Variants in AARD observed in about 807,000 individuals in gnomAD.
AARD encodes the protein alanine and arginine rich domain containing protein.
A neutral mutation model predicts 9.3 loss-of-function variants in AARD; 9 were observed. The ratio of observed to expected loss-of-function variants is 0.97; its 90% confidence interval spans 0.58 to 1.69. The LOEUF (loss-of-function observed/expected upper bound fraction) is 1.69, where lower values mean the gene tolerates loss of function less well. AARD is among the 40% of genes most tolerant of loss of function. AARD has a pLI of 0.00. For missense variants in AARD, 236 were observed against 210.3 expected, an observed-to-expected ratio of 1.12 and a Z score of -0.76; for synonymous variants, 91 against 93.8, an observed-to-expected ratio of 0.97 and a Z score of 0.17.
At chr8:116,940,178 C>A (rs965445354) in intron 1 of AARD, among the ~76,000 whole-genome samples, 14 of 152,114 alleles carry the variant, frequency 9.2e-5, no homozygotes, top group Non-Finnish European at 2.1e-4. Context: ...CACTTGTTGG[C>A]CTTACAACTT....
chr8:116,943,633 C>T lies in AARD; in HGVS notation c.*932C>T, dbSNP rs1813772428. ...GGGGCTTGGAAGCTGCTGGTGGTCA[C>T]CATGTGAGAAAGCCCACACCCTAAT... On this transcript the variant is annotated 3_prime_UTR_variant, in exon 2 of 2. Coordinates refer to ENST00000378279, the MANE Select transcript of AARD (RefSeq NM_001025357.3). 6.6e-6 allele frequency: 1 copy of T among 151,474 alleles called. No homozygotes were observed. Among genetic ancestry groups the T allele is most frequent in the African/African-American group, 2.4e-5 (1 of 41,212 alleles). The allele number at this position is 151,474 out of a possible 1,614,324, so 9.4% of individuals were successfully genotyped here. A position where few individuals can be genotyped will look rare whatever the true frequency, so the allele number is the denominator to read the frequency against.
intron 1 of AARD, 113 bp from the exon 2 acceptor site, chr8:116,942,445 A>G: frequency 1.0e-6 from 1 of 956,730 alleles, no homozygotes; most frequent in East Asian, 2.7e-5. Flanking sequence ...ATCTTCCTTG[A>G]TATCTTATTT....
rs528285928 is a variant in AARD at position 116,938,848 on chromosome 8, C to T, written c.324+281C>T. On this transcript the variant is annotated intron_variant, in intron 1 of 1. Transcript: ENST00000378279. ...CTATAGTTTTCTGCCCTGTAGGGAACTGTGACTATGTGTATGTATGGCTCG... is the reference window on the plus strand; with the variant it reads ...CTATAGTTTTCTGCCCTGTAGGGAATTGTGACTATGTGTATGTATGGCTCG... Among the ~76,000 whole-genome samples the T allele has an allele frequency of 1.4e-4, 21 of 152,338 alleles. 1 individual carries two copies. The South Asian group carries it at 2.7e-3, about 20-fold the overall frequency.
At position 116,942,578 on chromosome 8, in the gene AARD, C is replaced by A. The variant is rs1813756326; in HGVS notation, c.345C>A (p.Asn115Lys). The A allele has an allele frequency of 1.2e-6, 2 of 1,612,212 alleles. No individual in the cohort carries two copies. Among genetic ancestry groups the A allele is most frequent in the Non-Finnish European group, 1.7e-6 (2 of 1,178,934 alleles). ...TTTAGGTGGAAATGCATTTCCAAAACCACCAGCTGGCTAGAACTTTACTGG... is the reference window on the plus strand; with the variant it reads ...TTTAGGTGGAAATGCATTTCCAAAAACACCAGCTGGCTAGAACTTTACTGG... ...RAELVEMHFQ[N>K]HQLARTLLDL... The change falls in exon 2 of 2, where the codon AAC becomes AAA. Residue 115 changes from asparagine (N) to lysine (K), a missense_variant. Transcript: ENST00000378279.
intron 1 of AARD, 32 bp from the exon 2 acceptor site, chr8:116,942,526 T>C: frequency 6.4e-7 from 1 of 1,564,888 alleles, no homozygotes; most frequent in Non-Finnish European, 8.7e-7. Flanking sequence ...CATCTCAGGC[T>C]AATAAAATTT....
chr8:116,939,246 G>T (rs1813717165), intron 1 of AARD, among the ~76,000 whole-genome samples: 1 of 152,180 alleles, frequency 6.6e-6, no homozygotes. Flanking sequence ...CTTTTGCACT[G>T]ATTACTAATA....
rs1813771316 is a variant in AARD at position 116,943,574 on chromosome 8, G to T, written c.*873G>T. 3 of 152,220 alleles carry T rather than the reference G, an allele frequency of 2.0e-5. No homozygotes were observed. The allele number at this position is 152,220 out of a possible 1,614,324, so 9.4% of individuals were successfully genotyped here. A position where few individuals can be genotyped will look rare whatever the true frequency, so the allele number is the denominator to read the frequency against. ...TTTTTGAATGGGCACTAAAAGAGTAGATGACTATTTCTGCCAGTAGAAGCT... is the reference window on the plus strand; with the variant it reads ...TTTTTGAATGGGCACTAAAAGAGTATATGACTATTTCTGCCAGTAGAAGCT... On this transcript the variant is annotated 3_prime_UTR_variant, in exon 2 of 2. Transcript: ENST00000378279.
At chr8:116,940,405 G>A (rs1471493111) in intron 1 of AARD, among the ~76,000 whole-genome samples, 3 of 152,156 alleles carry the variant, frequency 2.0e-5, no homozygotes, top group Non-Finnish European at 2.9e-5. Context: ...AAAATCAGGA[G>A]TTTTTCTGGA....
rs1356474037 is a variant in AARD at position 116,943,070 on chromosome 8, C to T, written c.*369C>T. On this transcript the variant is annotated 3_prime_UTR_variant, in exon 2 of 2. Transcript: ENST00000378279. Reference sequence around the variant, plus strand: ...AAAACTAACGCATACAACCCTGAAACAATTCTGATGAACACATTATGCTTT... The same window carrying T: ...AAAACTAACGCATACAACCCTGAAATAATTCTGATGAACACATTATGCTTT... 2 of 151,172 alleles carry T rather than the reference C, an allele frequency of 1.3e-5. No homozygotes were observed. Among genetic ancestry groups the T allele is most frequent in the African/African-American group, 2.5e-5 (1 of 40,016 alleles). The allele number at this position is 151,172 out of a possible 1,614,324, so 9.4% of individuals were successfully genotyped here.
In AARD at chr8:116,942,621, C is replaced by G. The variant is rs376499703; in HGVS notation, c.388C>G (p.Gln130Glu). 2 of 1,613,808 alleles carry G rather than the reference C, an allele frequency of 1.2e-6. No individual in the cohort carries two copies. The highest frequency in any genetic ancestry group is 1.7e-6 in the Non-Finnish European group (2 of 1,179,930). Reference protein sequence around the residue: ...RTLLDLNMKVQQLKKEYELEI... With the variant: ...RTLLDLNMKVEQLKKEYELEI... The stretch of plus-strand genomic sequence containing the variant: ...TTTACTGGACCTAAACATGAAAGTG[C>G]AGCAATTGAAAAAGGAGTATGAACT... The change falls in exon 2 of 2, where the codon CAG (glutamine) becomes GAG (glutamate). Residue 130 changes from glutamine to glutamate, a missense_variant. By Grantham distance (29) the Gln-to-Glu change is conservative. Transcript: ENST00000378279.
chr8:116,938,401 G>C lies in AARD; in HGVS notation c.158G>C (p.Ser53Thr). The change falls in exon 1 of 2, where the codon AGC (serine) becomes ACC (threonine). Residue 53 changes from serine (S) to threonine (T), a missense_variant. Coordinates refer to ENST00000378279, the MANE Select transcript of AARD (RefSeq NM_001025357.3). ...TDIQEEALAA[S>T]PLLEDLRRRL... ...ATCCAGGAGGAGGCCCTCGCCGCCAGCCCGCTGCTGGAGGACCTCAGACGA... is the reference window on the plus strand; with the variant it reads ...ATCCAGGAGGAGGCCCTCGCCGCCACCCCGCTGCTGGAGGACCTCAGACGA... 1.2e-6 allele frequency: 2 copies of C among 1,612,144 alleles called. No individual in the cohort carries two copies. The highest frequency in any genetic ancestry group is 1.7e-6 in the Non-Finnish European group (2 of 1,179,704).
chr8:116,942,601 T>C lies in AARD; in HGVS notation c.368T>C (p.Leu123Pro), dbSNP rs201705799. 3 of 1,613,962 alleles carry C rather than the reference T, an allele frequency of 1.9e-6. No individual in the cohort carries two copies. The highest frequency in any genetic ancestry group is 4.5e-5 in the East Asian group (2 of 44,890). The change falls in exon 2 of 2, where the codon CTG (leucine) becomes CCG (proline). Residue 123 changes from leucine (L) to proline (P), a missense_variant. Physicochemically the swap from Leu to Pro is moderately conservative, Grantham distance 98. Coordinates refer to ENST00000378279, the MANE Select transcript of AARD (RefSeq NM_001025357.3). ...AACCACCAGCTGGCTAGAACTTTAC[T>C]GGACCTAAACATGAAAGTGCAGCAA... is the stretch of plus-strand genomic sequence containing the variant. ...FQNHQLARTLLDLNMKVQQLK... is the reference protein window; with the variant it reads ...FQNHQLARTLPDLNMKVQQLK...
In AARD at chr8:116,943,423, T is replaced by G. The variant is rs141538024; in HGVS notation, c.*722T>G. On this transcript the variant is annotated 3_prime_UTR_variant, in exon 2 of 2. Coordinates refer to ENST00000378279, the MANE Select transcript of AARD (RefSeq NM_001025357.3). ...TGTCTGTCCAGCAGCCTGCCCTGCT[T>G]CTTGTGGAGAATTGTTTCTACTTGG... 3.5e-4 allele frequency: 54 copies of G among 152,354 alleles called. 1 individual carries two copies. Among genetic ancestry groups the G allele is most frequent in the African/African-American group, 1.1e-3 (44 of 41,578 alleles). 9.4% of individuals were successfully genotyped at this position (152,354 alleles called of 1,614,324 possible).
In AARD at chr8:116,944,476, T is replaced by C. The variant is rs1813787091; in HGVS notation, c.*1775T>C. On this transcript the variant is annotated 3_prime_UTR_variant, in exon 2 of 2. Coordinates refer to ENST00000378279, the MANE Select transcript of AARD (RefSeq NM_001025357.3). ...TAAAAATAAAATAAATGCAAGTTGT[T>C]TTATGTGTGTGAGGATCTGAGAATT... 1 of 152,128 alleles carries C rather than the reference T, an allele frequency of 6.6e-6. No homozygotes were observed. Among genetic ancestry groups the C allele is most frequent in the Admixed American group, 6.5e-5 (1 of 15,272 alleles). The allele number at this position is 152,128 out of a possible 1,614,324, so 9.4% of individuals were successfully genotyped here. A position where few individuals can be genotyped will look rare whatever the true frequency, so the allele number is the denominator to read the frequency against.
rs565925557 is a variant in AARD at position 116,940,581 on chromosome 8, C to T, written c.325-1977C>T. Among the ~76,000 whole-genome samples, 23 of 152,258 alleles carry T rather than the reference C, an allele frequency of 1.5e-4. No homozygotes were observed. The East Asian group carries it at 1.5e-3, about 10-fold the overall frequency. On this transcript the variant is annotated intron_variant, in intron 1 of 1. Transcript: ENST00000378279. The stretch of plus-strand genomic sequence containing the variant: ...ACTAGAAGACTTAGTTTTCAATTTT[C>T]GGCTATTAACTGGATTTTTACAGGA...
chr8:116,942,506 A>G (rs1375178296), intron 1 of AARD, 52 bp from the exon 2 acceptor site: 30 of 1,502,014 alleles, frequency 2.0e-5, no homozygotes, highest in Non-Finnish European at 2.6e-5. Flanking sequence ...GAGTGGTTTC[A>G]TTTGATCTGC....
rs764535166 is a variant in AARD at position 116,938,541 on chromosome 8, A to G, written c.298A>G (p.Thr100Ala). The change falls in exon 1 of 2, where the codon ACC becomes GCC. Residue 100 changes from threonine to alanine, a missense_variant. Physicochemically the swap from Thr to Ala is moderately conservative, Grantham distance 58. Coordinates refer to ENST00000378279, the MANE Select transcript of AARD (RefSeq NM_001025357.3). ...GCAGAGCTGGACGGGCGTTGAGGCC[A>G]CCCTGGCCAGGCTGCGGGCGGAGCT... Reference protein sequence around the residue: ...EEQSWTGVEATLARLRAELVE... With the variant: ...EEQSWTGVEAALARLRAELVE... The G allele has an allele frequency of 2.8e-6, 4 of 1,451,482 alleles. No homozygotes were observed. The South Asian group carries it at 4.3e-5, about 16-fold the overall frequency. 89.9% of individuals were successfully genotyped at this position (1,451,482 alleles called of 1,614,324 possible). A position where few individuals can be genotyped will look rare whatever the true frequency, so the allele number is the denominator to read the frequency against.
In AARD at chr8:116,944,187, C is replaced by G. The variant is rs1750288179; in HGVS notation, c.*1486C>G. ...GTGGATCACGCTTGTAATTCCAGCA[C>G]TTTGGGAGGCTGAGGTGGGCAGATT... On this transcript the variant is annotated 3_prime_UTR_variant, in exon 2 of 2. Coordinates refer to ENST00000378279, the MANE Select transcript of AARD (RefSeq NM_001025357.3). 1 of 152,148 alleles carries G rather than the reference C, an allele frequency of 6.6e-6. No homozygotes were observed. Among genetic ancestry groups the G allele is most frequent in the African/African-American group, 2.4e-5 (1 of 41,424 alleles). 9.4% of individuals were successfully genotyped at this position (152,148 alleles called of 1,614,324 possible). A position where few individuals can be genotyped will look rare whatever the true frequency, so the allele number is the denominator to read the frequency against.
In AARD at chr8:116,938,268, T is replaced by C; in HGVS notation, c.25T>C (p.Cys9Arg). The part of the protein sequence containing the change: MGPGDFRR[C>R]RERISQGLQG... ...GATGGGCCCCGGGGACTTCCGCCGC[T>C]GCAGAGAGAGAATTTCCCAGGGGCT... Residue 9 changes from cysteine (C) to arginine (R), a missense_variant, in exon 1 of 2, where the codon TGC (cysteine) becomes CGC (arginine). Physicochemically the swap from Cys to Arg is radical, Grantham distance 180. Coordinates refer to ENST00000378279, the MANE Select transcript of AARD (RefSeq NM_001025357.3). 3.1e-6 allele frequency: 5 copies of C among 1,603,998 alleles called. No individual in the cohort carries two copies. The highest frequency in any genetic ancestry group is 4.3e-6 in the Non-Finnish European group (5 of 1,175,304).
Sources: gnomAD v4.1 joint callset for allele counts (sites outside exome capture counted in the v4.1 genomes callset) on GRCh38, gnomAD v4.1.1 for gene constraint, MANE v1.5 for transcripts, NCBI Gene and HGNC (gene_info 2026-07-23, HGNC 2026-07-21) for gene names.